LTBP2: variants seen among roughly 807,000 people sequenced by gnomAD.
The protein encoded by LTBP2 is latent-transforming growth factor beta-binding protein 2.
Under a neutral mutation model 210.6 loss-of-function variants are expected in LTBP2, and 103 were observed. That is an observed-to-expected ratio of 0.49 (90% confidence interval 0.42 to 0.58). The LOEUF is 0.58. Ranked by LOEUF, LTBP2 falls within the 20% of genes least tolerant of loss-of-function variation. LTBP2 has a pLI of 0.00. For missense variants in LTBP2, 2,313 were observed against 2,494.5 expected (o/e 0.93, Z 1.55); for synonymous variants, 1,007 against 1,015.0 (o/e 0.99, Z 0.15).
chr14:74,500,940 A>C lies in LTBP2; in HGVS notation c.5410T>G (p.Cys1804Gly). 1 of 1,614,186 alleles carries C rather than the reference A, an allele frequency of 6.2e-7. No homozygotes were observed. Among genetic ancestry groups the C allele is most frequent in the Non-Finnish European group, 8.5e-7 (1 of 1,180,022 alleles). The change falls in exon 36 of 36, where the codon TGC (cysteine) becomes GGC (glycine). Residue 1804 changes from cysteine (C) to glycine (G), a missense_variant. Physicochemically the swap from Cys to Gly is radical, Grantham distance 159. This residue lies in a region of LTBP2 where 443 missense variants were observed against 501.4 expected (regional missense o/e 0.88). Transcript: ENST00000261978. ...ENTEGSYRCH[C>G]SPGYVAEAGP... The stretch of plus-strand genomic sequence containing the variant: ...GCCTCAGCCACATATCCCGGGGAGC[A>C]GTGGCAGCGGTAGGAGCCCTCTGTG...
chr14:74,550,968 A>G lies in LTBP2; in HGVS notation c.1686+96T>C, dbSNP rs183517352. 30 of 1,484,062 alleles carry G rather than the reference A, an allele frequency of 2.0e-5. No individual in the cohort carries two copies. The East Asian group carries it at 6.1e-4, about 30-fold the overall frequency. 91.9% of individuals were successfully genotyped at this position (1,484,062 alleles called of 1,614,324 possible). On this transcript the variant is annotated intron_variant, in intron 7 of 35. Coordinates refer to ENST00000261978, the MANE Select transcript of LTBP2 (RefSeq NM_000428.3). ...GAGAGTCTGCAGACACTCACATTCCATAAGAACAAAGAGGACAGAGAGGAG... is the reference window on the plus strand; with the variant it reads ...GAGAGTCTGCAGACACTCACATTCCGTAAGAACAAAGAGGACAGAGAGGAG...
chr14:74,502,992 G>A, intron 33 of LTBP2, 58 bp from the exon 34 acceptor site: 3 of 1,596,134 alleles, frequency 1.9e-6, no homozygotes, highest in Non-Finnish European at 2.6e-6. Context: ...CTAAAGCCTG[G>A]CTGGCTTTGT....
chr14:74,506,249 C>G, intron 27 of LTBP2, 58 bp from the exon 28 acceptor site: 1 of 1,611,696 alleles, frequency 6.2e-7, no homozygotes, highest in Admixed American at 1.7e-5. Flanking sequence ...GCCCCCTGCC[C>G]CTGACTACAG....
chr14:74,528,995 C>A lies in LTBP2; in HGVS notation c.2115G>T (p.Trp705Cys). The A allele has an allele frequency of 6.2e-7, 1 of 1,608,940 alleles. No individual in the cohort carries two copies. Among genetic ancestry groups the A allele is most frequent in the Non-Finnish European group, 8.5e-7 (1 of 1,178,120 alleles). ...ICCCSRVGKA[W>C]GSECEKCPLP... ...GAGGGCATTTCTCACACTCGCTGCC[C>A]CATGCTTTGCCCACGCGGCTGCAGC... The change falls in exon 11 of 36, where the codon TGG (tryptophan) becomes TGT (cysteine). Residue 705 changes from tryptophan to cysteine, a missense_variant. Transcript: ENST00000261978.
chr14:74,569,862 C>T (rs1013901139), intron 3 of LTBP2, among the ~76,000 whole-genome samples: 22 of 152,036 alleles, frequency 1.4e-4, no homozygotes, highest in Non-Finnish European at 2.5e-4. Context: ...CCCAAGCTCA[C>T]GTATCTCATG....
intron 15 of LTBP2, among the ~76,000 whole-genome samples, chr14:74,524,617 C>T (rs570607091): frequency 1.3e-4 from 20 of 152,184 alleles, no homozygotes; most frequent in Admixed American, 3.3e-4. Context: ...ACCCGCCCCT[C>T]GCCCCCATCA....
At chr14:74,513,959 G>A (rs566447477) in intron 18 of LTBP2, among the ~76,000 whole-genome samples, 1 of 152,366 alleles carries the variant, frequency 6.6e-6, no homozygotes, top group Non-Finnish European at 1.5e-5. Context: ...TGAATGGGAG[G>A]GGGAGGGCAG....
At chr14:74,508,408 C>T (rs1414296474) in intron 24 of LTBP2, among the ~76,000 whole-genome samples, 196 bp downstream of exon 24, 5 of 152,098 alleles carry the variant, frequency 3.3e-5, no homozygotes, top group Admixed American at 1.3e-4. Context: ...CCCTGAGCCC[C>T]GGGCTCCCTC....
At chr14:74,502,604 G>A (rs1566611395) in intron 34 of LTBP2, 49 bp downstream of exon 34, 2 of 1,613,184 alleles carry the variant, frequency 1.2e-6, no homozygotes, top group Non-Finnish European at 8.5e-7. Context: ...AGATGGAAGT[G>A]AAACAGCTTT....
At chr14:74,602,338 C>T (rs527680040) in intron 2 of LTBP2, among the ~76,000 whole-genome samples, 14 of 152,324 alleles carry the variant, frequency 9.2e-5, no homozygotes, top group Admixed American at 2.6e-4. Flanking sequence ...AAGAGCTTAG[C>T]GCAGTGTGGG....
At chr14:74,595,633 T>C (rs1181078074) in intron 2 of LTBP2, among the ~76,000 whole-genome samples, 2 of 152,074 alleles carry the variant, frequency 1.3e-5, no homozygotes, top group Non-Finnish European at 2.9e-5. Flanking sequence ...TCGGGAAGGA[T>C]GAGAACACCA....
At chr14:74,526,196 C>A in intron 13 of LTBP2, 82 bp from the exon 14 acceptor site, 2 of 1,373,974 alleles carry the variant, frequency 1.5e-6, no homozygotes, top group South Asian at 2.5e-5. Flanking sequence ...TGACCCCCAC[C>A]TCCGGGCTTC....
chr14:74,524,247 C>T (rs1017107350), intron 15 of LTBP2, among the ~76,000 whole-genome samples: 1 of 152,176 alleles, frequency 6.6e-6, no homozygotes, highest in Non-Finnish European at 1.5e-5. Flanking sequence ...GGGGATGCTC[C>T]CTGGAGCAGC....
chr14:74,583,602 C>A (rs1222799570), intron 3 of LTBP2, among the ~76,000 whole-genome samples: 1 of 152,378 alleles, frequency 6.6e-6, no homozygotes, highest in South Asian at 2.1e-4. Context: ...TCACCCAGGA[C>A]CTTGGCCCTC....
Position 74,549,944 on chromosome 14 carries a change from G to C in LTBP2, c.1708C>G (p.Leu570Val), listed in dbSNP as rs773969265. 1 of 1,613,960 alleles carries C rather than the reference G, an allele frequency of 6.2e-7. No homozygotes were observed. Among genetic ancestry groups the C allele is most frequent in the South Asian group, 1.1e-5 (1 of 91,082 alleles). The part of the protein sequence containing the change: ...NGQCANPLLE[L>V]TTQEDCCGSV... ...CCACAGCAGTCCTCCTGGGTAGTCAGCTCCAGCAGAGGGTTGGCACACTGG... is the reference window on the plus strand; with the variant it reads ...CCACAGCAGTCCTCCTGGGTAGTCACCTCCAGCAGAGGGTTGGCACACTGG... The change falls in exon 8 of 36, where the codon CTG (leucine) becomes GTG (valine). Residue 570 changes from leucine to valine, a missense_variant. This residue lies in a region of LTBP2 where 1,867 missense variants were observed against 1,976.9 expected (regional missense o/e 0.94). Coordinates refer to ENST00000261978, the MANE Select transcript of LTBP2 (RefSeq NM_000428.3).
At position 74,525,998 on chromosome 14, in the gene LTBP2, T is replaced by C. The variant is rs2087267252; in HGVS notation, c.2428+77A>G. On this transcript the variant is annotated intron_variant, in intron 14 of 35. Coordinates refer to ENST00000261978, the MANE Select transcript of LTBP2 (RefSeq NM_000428.3). ...GTGTGAGCGTGAACCAGCTCACACA[T>C]AGTAACTCCACTCCTGATTAAGGGC... is the stretch of plus-strand genomic sequence containing the variant. 7 of 1,446,662 alleles carry C rather than the reference T, an allele frequency of 4.8e-6. No homozygotes were observed. In the Admixed American group the frequency reaches 1.4e-4, roughly 28 times the overall value. 89.6% of individuals were successfully genotyped at this position (1,446,662 alleles called of 1,614,324 possible).
chr14:74,550,969 TAAGAACAAA>T, intron 7 of LTBP2, 86 bp downstream of exon 7: 1 of 1,488,590 alleles, frequency 6.7e-7, no homozygotes. Context: ...TCACATTCCA[TAAGAACAAA>T]GAGGACAGAG....
At chr14:74,527,105 T>A (rs1361919544) in intron 13 of LTBP2, among the ~76,000 whole-genome samples, 1 of 152,338 alleles carries the variant, frequency 6.6e-6, no homozygotes, top group East Asian at 1.9e-4. Flanking sequence ...CCATCCCAAA[T>A]GGGAAAATGC....
chr14:74,526,134 G>A lies in LTBP2; in HGVS notation c.2389-20C>T, dbSNP rs1263946433. 3.1e-6 allele frequency: 5 copies of A among 1,589,644 alleles called. No individual in the cohort carries two copies. In the African/African-American group the frequency reaches 5.4e-5, roughly 17 times the overall value. The stretch of plus-strand genomic sequence containing the variant: ...CGTGACCTGCACAGAAACAGGAGAA[G>A]GTCACTTTTGGCTCCTCTGCCGTAC... On this transcript the variant is annotated intron_variant, in intron 13 of 35. Transcript: ENST00000261978.
Sources: gnomAD v4.1 joint callset for allele counts (sites outside exome capture counted in the v4.1 genomes callset) on GRCh38, gnomAD v4.1.1 for gene constraint, gnomAD v4.1.1 regional missense constraint, MANE v1.5 for transcripts, NCBI Gene and HGNC (gene_info 2026-07-23, HGNC 2026-07-21) for gene names.